The following AP4E1 variants were observed in gnomAD, a reference collection of about 807,000 sequenced individuals.
AP4E1 encodes AP-4 complex subunit epsilon-1.
In AP4E1, 56 loss-of-function variants were observed where a neutral mutation model predicts 128.2. The ratio of observed to expected loss-of-function variants is 0.44; its 90% CI spans 0.35 to 0.55. The LOEUF is 0.55. Ranked by LOEUF, AP4E1 falls within the 20% of genes least tolerant of loss-of-function variation. AP4E1 has a pLI of 0.00. For synonymous variants in AP4E1, 484 were observed against 473.1 expected, an observed-to-expected ratio of 1.02 and a Z score of -0.30; for missense variants, 1,324 against 1,307.7, an observed-to-expected ratio of 1.01 and a Z score of -0.19.
At chr15:50,909,699 T>G (rs559460174) in intron 1 of AP4E1, among the ~76,000 whole-genome samples, 3 of 151,938 alleles carry the variant, frequency 2.0e-5, no homozygotes, top group Non-Finnish European at 4.4e-5. Context: ...AATTTTTGTT[T>G]TTTTTTGAGA....
rs1471378368 is a variant in AP4E1 at position 50,948,258 on chromosome 15, G to C, written c.1316+99G>C. Reference sequence around the variant, plus strand: ...TGGTCACTTGCAAGTCGAGTTCAGAGACCTAGCAATACTTTTTATTCCTGA... The same window carrying C: ...TGGTCACTTGCAAGTCGAGTTCAGACACCTAGCAATACTTTTTATTCCTGA... On this transcript the variant is annotated intron_variant, in intron 11 of 20. Coordinates refer to ENST00000261842, the MANE Select transcript of AP4E1 (RefSeq NM_007347.5). 10 of 1,409,170 alleles carry C rather than the reference G, an allele frequency of 7.1e-6. No individual in the cohort carries two copies. In the African/African-American group the frequency reaches 9.9e-5, roughly 14 times the overall value. The allele number at this position is 1,409,170 out of a possible 1,614,324, so 87.3% of individuals were successfully genotyped here.
chr15:50,962,591 A>G lies in AP4E1; in HGVS notation c.1851+3797A>G, dbSNP rs149497911. On this transcript the variant is annotated intron_variant, in intron 14 of 20. Coordinates refer to ENST00000261842, the MANE Select transcript of AP4E1 (RefSeq NM_007347.5). ...CGAGATCCCTATCTCTCACCATATA[A>G]AAAAATCAACCCACAATGAATTAAA... Among the ~76,000 whole-genome samples, 325 of 152,168 alleles carry G rather than the reference A, an allele frequency of 2.1e-3. 2 individuals carry two copies. Among genetic ancestry groups the G allele is most frequent in the African/African-American group, 7.6e-3 (315 of 41,544 alleles).
chr15:50,959,152 A>G (rs2127367), intron 14 of AP4E1, among the ~76,000 whole-genome samples: 65,690 of 151,502 alleles, frequency 0.43, 14,435 homozygotes, highest in East Asian at 0.59. Flanking sequence ...CAGAGGTTGC[A>G]GTGAGCTGAG....
intron 13 of AP4E1, among the ~76,000 whole-genome samples, 198 bp downstream of exon 13, chr15:50,950,367 A>G (rs771461263): frequency 6.6e-6 from 1 of 152,084 alleles, no homozygotes; most frequent in African/African-American, 2.4e-5. Context: ...TCTTTTAAAT[A>G]TAGGTATTTA....
At chr15:50,922,686 G>A (rs1270428042) in intron 3 of AP4E1, among the ~76,000 whole-genome samples, 1 of 152,096 alleles carries the variant, frequency 6.6e-6, no homozygotes, top group Non-Finnish European at 1.5e-5. Context: ...AAAATATGGG[G>A]GTTTAAAATA....
chr15:50,920,153 G>A (rs1309380073), intron 3 of AP4E1, among the ~76,000 whole-genome samples: 1 of 105,532 alleles, frequency 9.5e-6, no homozygotes, highest in Non-Finnish European at 1.7e-5. Context: ...TCGCTCTTTC[G>A]CCCAGGCCAG....
intron 16 of AP4E1, among the ~76,000 whole-genome samples, chr15:50,988,733 C>G (rs1370862404): frequency 2.0e-5 from 3 of 152,100 alleles, no homozygotes; most frequent in Admixed American, 6.5e-5. Flanking sequence ...CTGTGAAACT[C>G]TATTGCTTTC....
In AP4E1 at chr15:50,987,190, C is replaced by A. The variant is rs1247607830; in HGVS notation, c.2090+3045C>A. The stretch of plus-strand genomic sequence containing the variant: ...CATTTTTTATTGCATCTATTTGATT[C>A]TTCTCTTTTTTTATTAGTCTTGCTA... On this transcript the variant is annotated intron_variant, in intron 16 of 20. Coordinates refer to ENST00000261842, the MANE Select transcript of AP4E1 (RefSeq NM_007347.5). 7.9e-5 allele frequency among the ~76,000 whole-genome samples: 12 copies of A among 152,068 alleles called. 1 individual carries two copies. The East Asian group carries it at 2.1e-3, about 27-fold the overall frequency.
intron 2 of AP4E1, among the ~76,000 whole-genome samples, chr15:50,912,657 A>ATTT (rs200052940): frequency 6.9e-6 from 1 of 144,242 alleles, no homozygotes. Context: ...ACTCAGTTTG[A>ATTT]TTTTTTTTTT....
chr15:50,973,078 T>G (rs1056426336), intron 15 of AP4E1, among the ~76,000 whole-genome samples: 1 of 152,136 alleles, frequency 6.6e-6, no homozygotes, highest in Admixed American at 6.5e-5. Context: ...AATCATTGAG[T>G]TATTTGGATG....
chr15:50,988,053 A>G (rs1366768062), intron 16 of AP4E1, among the ~76,000 whole-genome samples: 1 of 152,182 alleles, frequency 6.6e-6, no homozygotes, highest in East Asian at 1.9e-4. Flanking sequence ...TCTGATAAAT[A>G]TATCTTGTAA....
At chr15:50,908,051 T>G (rs1378857556), upstream of AP4E1, among the ~76,000 whole-genome samples, 2 of 152,144 alleles carry the variant, frequency 1.3e-5, no homozygotes, top group Non-Finnish European at 2.9e-5. Context: ...TGCGACCTGC[T>G]GAGGAGGAGT....
intron 8 of AP4E1, among the ~76,000 whole-genome samples, chr15:50,938,557 G>A (rs1459706547): frequency 6.6e-6 from 1 of 152,112 alleles, no homozygotes; most frequent in East Asian, 1.9e-4. Context: ...TCCTTACGCT[G>A]TCAGAGGTGA....
intron 16 of AP4E1, among the ~76,000 whole-genome samples, chr15:50,987,942 A>G (rs930775949): frequency 2.6e-5 from 4 of 152,178 alleles, no homozygotes; most frequent in African/African-American, 9.6e-5. Context: ...CGTAGTAATA[A>G]TATGTGTTAT....
At chr15:50,945,731 C>G in intron 10 of AP4E1, 1 of 778,144 alleles carries the variant, frequency 1.3e-6, no homozygotes, top group Non-Finnish European at 2.4e-6. Flanking sequence ...GCTAATGCTT[C>G]TGAAAAATTT....
At chr15:50,910,273 G>A (rs1349137568) in intron 1 of AP4E1, among the ~76,000 whole-genome samples, 2 of 152,004 alleles carry the variant, frequency 1.3e-5, no homozygotes, top group African/African-American at 4.8e-5. Flanking sequence ...ATGAGCCACC[G>A]CGCCGGGCCC....
At chr15:50,929,863 T>G (rs1406140497) in intron 6 of AP4E1, among the ~76,000 whole-genome samples, 1 of 152,136 alleles carries the variant, frequency 6.6e-6, no homozygotes, top group African/African-American at 2.4e-5. Context: ...TTGAAAGAGC[T>G]TTATTTCCCT....
Position 50,993,387 on chromosome 15 carries a change from T to C in AP4E1, c.2108T>C (p.Leu703Pro), listed in dbSNP as rs867802067. 1 of 1,613,944 alleles carries C rather than the reference T, an allele frequency of 6.2e-7. No homozygotes were observed. Among genetic ancestry groups the C allele is most frequent in the African/African-American group, 1.3e-5 (1 of 75,050 alleles). ...CTCCTTAGGACAAATAGCTTGAAGC[T>C]GGAAGGTATAAAGAAATTGTGGGGG... ...TGLKETNSLK[L>P]EGIKKLWGKE... The change falls in exon 17 of 21, where the codon CTG (leucine) becomes CCG (proline). Residue 703 changes from leucine (L) to proline (P), a missense_variant. Leu to Pro is a moderately conservative substitution (Grantham distance 98). Transcript: ENST00000261842.
chr15:50,935,809 G>C (rs2063901340), intron 8 of AP4E1, among the ~76,000 whole-genome samples: 1 of 152,168 alleles, frequency 6.6e-6, no homozygotes, highest in African/African-American at 2.4e-5. Context: ...CAAAGATGCA[G>C]TCCAAATAAG....
Sources: gnomAD v4.1 joint callset for allele counts (sites outside exome capture counted in the v4.1 genomes callset) on GRCh38, gnomAD v4.1.1 for gene constraint, MANE v1.5 for transcripts, NCBI Gene and HGNC (gene_info 2026-07-23, HGNC 2026-07-21) for gene names.